Variants in FN1 observed in about 807,000 individuals in gnomAD.
FN1 encodes fibronectin.
FN1 carries 106 observed loss-of-function variants against 297.3 expected under a neutral mutation model. That is an observed-to-expected ratio of 0.36 (90% CI 0.30 to 0.42). The LOEUF (loss-of-function observed/expected upper bound fraction) is 0.42, where lower values mean the gene tolerates loss of function less well. Ranked by LOEUF, FN1 falls within the 10% of genes least tolerant of loss-of-function variation. The pLI is 1.00. For synonymous variants in FN1, 1,149 were observed against 1,152.6 expected, an observed-to-expected ratio of 1.00 and a Z score of 0.06; for missense variants, 2,690 against 3,124.9, an observed-to-expected ratio of 0.86 and a Z score of 3.32.
chr2:215,388,676 A>T (rs1469981457), intron 26 of FN1, among the ~76,000 whole-genome samples: 2 of 152,222 alleles, frequency 1.3e-5, no homozygotes, highest in Non-Finnish European at 2.9e-5. Flanking sequence ...TTTATGCCTC[A>T]CAACAACCCT....
chr2:215,369,018 A>G (rs2055262675), intron 41 of FN1, among the ~76,000 whole-genome samples: 1 of 152,166 alleles, frequency 6.6e-6, no homozygotes, highest in Non-Finnish European at 1.5e-5. Flanking sequence ...CTTAAAGAAA[A>G]TAGCGTTTTG....
Position 215,397,579 on chromosome 2 carries a change from CT to C in FN1, c.3517+100del, listed in dbSNP as rs56029730. On this transcript the variant is annotated intron_variant, in intron 22 of 45. Transcript: ENST00000354785. ...TATAAGTAAGGATAAGATATCTCCC[CT>C]GTGCCATTCTCATAAGTAAAAAGTG... is the stretch of plus-strand genomic sequence containing the variant. 58,407 of 960,120 alleles carry C rather than the reference CT, an allele frequency of 0.061. 2,331 individuals are homozygous for C. Among genetic ancestry groups the C allele is most frequent in the Middle Eastern group, 0.14 (466 of 3,400 alleles). 59.5% of individuals were successfully genotyped at this position (960,120 alleles called of 1,614,324 possible). A position where few individuals can be genotyped will look rare whatever the true frequency, so the allele number is the denominator to read the frequency against.
rs940702758 is a variant in FN1, at chr2:215,371,937, G to A, written c.6686C>T (p.Pro2229Leu). ...TAAGGGTTCTTCATCAGTGCCAACA[G>A]GATGACATGAAATGATGTACTCAGA... ...DTSEYIISCH[P>L]VGTDEEPLQF... Residue 2229 changes from proline to leucine, a missense_variant, in exon 40 of 46, where the codon CCT (proline) becomes CTT (leucine). By Grantham distance (98) the Pro-to-Leu change is moderately conservative (BLOSUM62 -3). This residue lies in a region of FN1 where 1,743 missense variants were observed against 1,945.2 expected (regional missense o/e 0.90). Transcript: ENST00000354785. The A allele has an allele frequency of 5.0e-6, 8 of 1,613,968 alleles. No homozygotes were observed. Among genetic ancestry groups the A allele is most frequent in the African/African-American group, 2.7e-5 (2 of 74,930 alleles).
At chr2:215,371,751 G>T in intron 40 of FN1, 158 bp downstream of exon 40, 16 of 568,632 alleles carry the variant, frequency 2.8e-5, no homozygotes, top group East Asian at 7.8e-5. Flanking sequence ...AACCTCAAAT[G>T]ATCCACCTGC....
chr2:215,432,667 A>T (rs1042964496), intron 3 of FN1, among the ~76,000 whole-genome samples: 2 of 152,224 alleles, frequency 1.3e-5, no homozygotes, highest in Non-Finnish European at 2.9e-5. Context: ...CTTAAATACT[A>T]TCTTAATAGA....
intron 6 of FN1, among the ~76,000 whole-genome samples, chr2:215,425,775 CCTCAAACTCCTGT>C (rs1258829131): frequency 2.2e-5 from 3 of 139,236 alleles, no homozygotes; most frequent in Admixed American, 6.8e-5. Context: ...AAACTCCTGA[CCTCAAACTCCTGT>C]CTCAAACTCC....
In FN1 at chr2:215,375,303, C is replaced by T; in HGVS notation, c.6068G>A (p.Gly2023Asp). 2.5e-6 allele frequency: 4 copies of T among 1,614,126 alleles called. No individual in the cohort carries two copies. Among genetic ancestry groups the T allele is most frequent in the Non-Finnish European group, 3.4e-6 (4 of 1,180,012 alleles). The part of the protein sequence containing the change: ...SWQPPRARIT[G>D]YIIKYEKPGS... ...AGGCTTCTCATACTTGATGATGTAG[C>T]CGGTAATCCTGGCACGTGGCGGCTG... Residue 2023 changes from glycine (G) to aspartate (D), a missense_variant, in exon 38 of 46, where the codon GGC (glycine) becomes GAC (aspartate). Transcript: ENST00000354785.
At chr2:215,421,675 C>T (rs1249694570) in intron 10 of FN1, among the ~76,000 whole-genome samples, 1 of 152,170 alleles carries the variant, frequency 6.6e-6, no homozygotes, top group Non-Finnish European at 1.5e-5. Context: ...GAAAGTTAGT[C>T]CCCTATGTAT....
chr2:215,431,108 C>T (rs1260132054), intron 4 of FN1, among the ~76,000 whole-genome samples: 1 of 151,892 alleles, frequency 6.6e-6, no homozygotes, highest in East Asian at 1.9e-4. Flanking sequence ...TCAGCGAGCC[C>T]CAAACTTCCC....
chr2:215,369,453 G>A (rs894944455), intron 41 of FN1, among the ~76,000 whole-genome samples: 11 of 152,190 alleles, frequency 7.2e-5, no homozygotes, highest in African/African-American at 2.7e-4. Context: ...TCAGATGAGG[G>A]AAGGGGCTAA....
In FN1 at chr2:215,370,352, T is replaced by C; in HGVS notation, c.6795A>G (p.Ala2265=). The change falls in exon 41 of 46, where the codon GCA becomes GCG. Residue 2265 remains alanine, a synonymous_variant. Coordinates refer to ENST00000354785, the MANE Select transcript of FN1 (RefSeq NM_212482.4). ...RGATYNVIVE[A]LKDQQRHKVR... The stretch of plus-strand genomic sequence containing the variant: ...CCTTATGCCTCTGCTGGTCTTTCAG[T>C]GCCTCCACTATGACGTTGTAGGTGG... The C allele has an allele frequency of 6.2e-7, 1 of 1,613,930 alleles. No individual in the cohort carries two copies. Among genetic ancestry groups the C allele is most frequent in the African/African-American group, 1.3e-5 (1 of 74,926 alleles).
intron 13 of FN1, among the ~76,000 whole-genome samples, chr2:215,412,366 C>T (rs2106327090): frequency 6.6e-6 from 1 of 152,122 alleles, no homozygotes; most frequent in East Asian, 1.9e-4. Context: ...ATGCTTACAC[C>T]TCTATTTGTT....
intron 25 of FN1, 44 bp downstream of exon 25, chr2:215,392,887 G>A (rs759945759): frequency 6.2e-7 from 1 of 1,606,916 alleles, no homozygotes; most frequent in Non-Finnish European, 8.5e-7. Flanking sequence ...GTGGCAGCAT[G>A]CAACACCATC....
chr2:215,380,495 T>C, intron 33 of FN1: 1 of 377,430 alleles, frequency 2.6e-6, no homozygotes, highest in Non-Finnish European at 4.9e-6. Flanking sequence ...ACTTCTTTTC[T>C]TTATACATAG....
At chr2:215,394,426 C>A in intron 24 of FN1, 102 bp downstream of exon 24, 2 of 1,057,396 alleles carry the variant, frequency 1.9e-6, no homozygotes, top group Non-Finnish European at 3.0e-6. Context: ...GGAATTAAAT[C>A]CCAAATATAG....
In FN1 at chr2:215,380,859, A is replaced by C; in HGVS notation, c.5386T>G (p.Leu1796Val). The C allele has an allele frequency of 6.2e-7, 1 of 1,614,032 alleles. No homozygotes were observed. The highest frequency in any genetic ancestry group is 8.5e-7 in the Non-Finnish European group (1 of 1,180,028). Reference protein sequence around the residue: ...GSEYTVSVVALHDDMESQPLI... With the variant: ...GSEYTVSVVAVHDDMESQPLI... Reference sequence around the variant, plus strand: ...GGCTGGCTCTCCATATCATCGTGCAAGGCAACCACACTGACTGTGTACTCA... The same window carrying C: ...GGCTGGCTCTCCATATCATCGTGCACGGCAACCACACTGACTGTGTACTCA... Residue 1796 changes from leucine (L) to valine (V), a missense_variant, in exon 33 of 46, where the codon TTG becomes GTG. By Grantham distance (32) the Leu-to-Val change is conservative. Transcript: ENST00000354785.
At chr2:215,364,843 T>G (rs778965469) in intron 44 of FN1, 36 bp downstream of exon 44, 38 of 1,411,506 alleles carry the variant, frequency 2.7e-5, no homozygotes, top group Non-Finnish European at 3.5e-5. Flanking sequence ...CTTTATCTTA[T>G]CTAACTTGTA....
intron 44 of FN1, chr2:215,362,628 CTTCCTA>C (rs2053688292): frequency 6.3e-6 from 1 of 158,788 alleles, no homozygotes; most frequent in Non-Finnish European, 1.4e-5. Flanking sequence ...TTGCCACTCT[CTTCCTA>C]AACTTCCCTA....
chr2:215,406,393 A>C lies in FN1; in HGVS notation c.2831T>G (p.Val944Gly). The C allele has an allele frequency of 6.2e-7, 1 of 1,614,126 alleles. No homozygotes were observed. Among genetic ancestry groups the C allele is most frequent in the South Asian group, 1.1e-5 (1 of 91,066 alleles). ...CTGCCCGTGCTCGCCAGGCAGGTTGACGGGGATCACATCCACACGGTAGCC... is the reference window on the plus strand; with the variant it reads ...CTGCCCGTGCTCGCCAGGCAGGTTGCCGGGGATCACATCCACACGGTAGCC... The part of the protein sequence containing the change: ...VTGYRVDVIP[V>G]NLPGEHGQRL... Residue 944 changes from valine to glycine, a missense_variant, in exon 19 of 46, where the codon GTC becomes GGC. By Grantham distance (109) the Val-to-Gly change is moderately radical (BLOSUM62 -3). Around this residue, in one of 3 missense-constraint regions of FN1, gnomAD observed 1,743 missense variants for 1,945.2 expected, o/e 0.90. Coordinates refer to ENST00000354785, the MANE Select transcript of FN1 (RefSeq NM_212482.4).
Sources: gnomAD v4.1 joint callset for allele counts (sites outside exome capture counted in the v4.1 genomes callset) on GRCh38, gnomAD v4.1.1 for gene constraint, gnomAD v4.1.1 regional missense constraint, MANE v1.5 for transcripts, NCBI Gene and HGNC (gene_info 2026-07-23, HGNC 2026-07-21) for gene names.